The following RAB11FIP2 variants were observed in gnomAD, a reference collection of about 807,000 sequenced individuals.
RAB11FIP2 encodes RAB11 family interacting protein 2, also known as rab11 family-interacting protein 2.
RAB11FIP2 carries 16 observed loss-of-function variants against 40.9 expected under a neutral mutation model. The observed-to-expected ratio is 0.39, with a 90% CI of 0.26 to 0.59. RAB11FIP2 has a LOEUF of 0.59. RAB11FIP2 is among the 20% of genes least tolerant of loss of function. The probability of loss-of-function intolerance (pLI) is 0.53; values close to 1 mark genes in which losing one functional copy is unlikely to be tolerated. For missense variants in RAB11FIP2, 532 were observed against 606.2 expected, an observed-to-expected ratio of 0.88 and a Z score of 1.28; for synonymous variants, 228 against 213.7, an observed-to-expected ratio of 1.07 and a Z score of -0.58.
chr10:118,018,362 T>C (rs929175960), intron 3 of RAB11FIP2: 34 of 152,324 alleles, frequency 2.2e-4, no homozygotes, highest in African/African-American at 7.9e-4. Flanking sequence ...TCAGACAAGA[T>C]ATCGAATAAT....
chr10:118,031,978 GC>G (rs1041931029), intron 3 of RAB11FIP2, among the ~76,000 whole-genome samples: 14 of 151,894 alleles, frequency 9.2e-5, no homozygotes, highest in African/African-American at 2.2e-4. Context: ...CAGAACAGCT[GC>G]CCCCCTAACA....
rs1191657304 is a variant in RAB11FIP2, at chr10:118,045,970, G to A, written c.194C>T (p.Ser65Phe). The A allele has an allele frequency of 6.2e-7, 1 of 1,614,230 alleles. No individual in the cohort carries two copies. Among genetic ancestry groups the A allele is most frequent in the South Asian group, 1.1e-5 (1 of 91,086 alleles). The change falls in exon 1 of 5, where the codon TCT becomes TTT. Residue 65 changes from serine to phenylalanine, a missense_variant. Coordinates refer to ENST00000355624, the MANE Select transcript of RAB11FIP2 (RefSeq NM_014904.3). Reference protein sequence around the residue: ...TLEPVWKEEASFELPGLLIQG... With the variant: ...TLEPVWKEEAFFELPGLLIQG... ...AATTAGCAATCCAGGTAGCTCGAAA[G>A]AGGCCTCCTCCTTCCAAACTGGCTC... is the stretch of plus-strand genomic sequence containing the variant.
intron 3 of RAB11FIP2, among the ~76,000 whole-genome samples, chr10:118,036,524 A>G (rs570235539): frequency 1.3e-5 from 2 of 152,270 alleles, no homozygotes; most frequent in South Asian, 4.1e-4. Flanking sequence ...TCCACTCAAG[A>G]TAAAGCTGCT....
intron 3 of RAB11FIP2, among the ~76,000 whole-genome samples, chr10:118,036,245 G>A (rs1846479731): frequency 6.6e-6 from 1 of 152,044 alleles, no homozygotes; most frequent in Non-Finnish European, 1.5e-5. Context: ...CCATGGCTAT[G>A]TATTTTACCC....
intron 1 of RAB11FIP2, 130 bp downstream of exon 1, chr10:118,045,681 T>C (rs954259188): frequency 1.9e-5 from 13 of 682,028 alleles, no homozygotes; most frequent in Non-Finnish European, 2.7e-5. Flanking sequence ...CATGCAAATA[T>C]GGTGCTTAAA....
Position 118,006,764 on chromosome 10 carries a change from T to C in RAB11FIP2, c.*2234A>G, listed in dbSNP as rs1846095514. The C allele has an allele frequency of 6.6e-6, 1 of 152,090 alleles. No homozygotes were observed. Among genetic ancestry groups the C allele is most frequent in the East Asian group, 1.9e-4 (1 of 5,194 alleles). The allele number at this position is 152,090 out of a possible 1,614,324, so 9.4% of individuals were successfully genotyped here. On this transcript the variant is annotated 3_prime_UTR_variant, in exon 5 of 5. Transcript: ENST00000355624. The stretch of plus-strand genomic sequence containing the variant: ...GTATTAATAGATCTAGTTTTAAATA[T>C]AATACTTGTCTCAGATTTAAAGATA...
At chr10:118,016,882 T>G (rs60424173) in intron 3 of RAB11FIP2, among the ~76,000 whole-genome samples, 2,541 of 152,306 alleles carry the variant, frequency 0.017, 73 homozygotes, top group East Asian at 0.13. Flanking sequence ...GAAGATTCAA[T>G]GAGTTAACTA....
rs556228044 is a variant in RAB11FIP2, at chr10:118,039,421, G to A, written c.816C>T (p.His272=). Residue 272 remains histidine, a synonymous_variant, in exon 3 of 5, where the codon CAC becomes CAT. Coordinates refer to ENST00000355624, the MANE Select transcript of RAB11FIP2 (RefSeq NM_014904.3). ...AAGTATCAAAGCTTAATGTTCTTCT[G>A]TGTGGAGATTTGAGACTTCCTACAA... ...VPESGSLKSP[H]RRTLSFDTSK... 7.4e-6 allele frequency: 12 copies of A among 1,611,686 alleles called. No individual in the cohort carries two copies. The South Asian group carries it at 1.3e-4, about 18-fold the overall frequency.
intron 3 of RAB11FIP2, among the ~76,000 whole-genome samples, chr10:118,019,146 A>C (rs1419171483): frequency 6.6e-6 from 1 of 152,204 alleles, no homozygotes; most frequent in Non-Finnish European, 1.5e-5. Flanking sequence ...AAGTCACATA[A>C]CAACAAGCTC....
chr10:118,040,631 A>G, intron 1 of RAB11FIP2, 66 bp from the exon 2 acceptor site: 1 of 1,167,582 alleles, frequency 8.6e-7, no homozygotes, highest in Non-Finnish European at 1.2e-6. Flanking sequence ...GTTCTGTTAC[A>G]TACAAATAGC....
Position 118,040,179 on chromosome 10 carries a change from C to A in RAB11FIP2, c.740G>T (p.Gly247Val). ...SSEKLKAGTI[G>V]QTHLLGHQLD... is the part of the protein sequence containing the mutation. ...CTGGTGTCCGAGAAGATGTGTTTGACCTATGGTGCCAGCCTTCAGTTTCTC... is the reference window on the plus strand; with the variant it reads ...CTGGTGTCCGAGAAGATGTGTTTGAACTATGGTGCCAGCCTTCAGTTTCTC... Residue 247 changes from glycine (G) to valine (V), a missense_variant, in exon 2 of 5, where the codon GGT (glycine) becomes GTT (valine). Coordinates refer to ENST00000355624, the MANE Select transcript of RAB11FIP2 (RefSeq NM_014904.3). The A allele has an allele frequency of 6.2e-7, 1 of 1,613,800 alleles. No homozygotes were observed. Among genetic ancestry groups the A allele is most frequent in the Non-Finnish European group, 8.5e-7 (1 of 1,179,764 alleles).
At position 118,028,598 on chromosome 10, in the gene RAB11FIP2, G is replaced by GAA. The variant is rs559563155; in HGVS notation, c.1265+10372_1265+10373dup. On this transcript the variant is annotated intron_variant, in intron 3 of 4. Transcript: ENST00000355624. Reference sequence around the variant, plus strand: ...AAAAGTTAAAGCATTATTGTCATGGGAAAAAAGTAATCACAGATGAGGTGA... The same window carrying GAA: ...AAAAGTTAAAGCATTATTGTCATGGGAAAAAAAAGTAATCACAGATGAGGTGA... 5.6e-3 allele frequency among the ~76,000 whole-genome samples: 853 copies of GAA among 152,160 alleles called. 4 individuals are homozygous for GAA. Among genetic ancestry groups the GAA allele is most frequent in the African/African-American group, 0.02 (817 of 41,546 alleles).
chr10:118,019,717 T>A (rs1171298784), intron 3 of RAB11FIP2, among the ~76,000 whole-genome samples: 1 of 151,572 alleles, frequency 6.6e-6, no homozygotes, highest in Non-Finnish European at 1.5e-5. Context: ...TCCTAGCTAC[T>A]CGGGAGGCTG....
chr10:118,038,976 A>G lies in RAB11FIP2; in HGVS notation c.1261T>C (p.Ser421Pro). 6.3e-7 allele frequency: 1 copy of G among 1,582,232 alleles called. No homozygotes were observed. Among genetic ancestry groups the G allele is most frequent in the South Asian group, 1.2e-5 (1 of 84,982 alleles). The change falls in exon 3 of 5, where the codon TCA becomes CCA. Residue 421 changes from serine (S) to proline (P), a missense_variant. Physicochemically the swap from Ser to Pro is moderately conservative, Grantham distance 74 (BLOSUM62 -1). Coordinates refer to ENST00000355624, the MANE Select transcript of RAB11FIP2 (RefSeq NM_014904.3). Reference sequence around the variant, plus strand: ...CTTCCCCCATATTAAGCTTACCTTGAAGATGGCATTATATTTGAAGCCCTG... The same window carrying G: ...CTTCCCCCATATTAAGCTTACCTTGGAGATGGCATTATATTTGAAGCCCTG... ...KFRASNIMPS[S>P]SFHMSPTSNE...
At chr10:118,037,286 G>A (rs906329121) in intron 3 of RAB11FIP2, among the ~76,000 whole-genome samples, 1 of 152,000 alleles carries the variant, frequency 6.6e-6, no homozygotes, top group Non-Finnish European at 1.5e-5. Flanking sequence ...CTGGAGTATG[G>A]TTTATAAACA....
chr10:118,040,354 G>A lies in RAB11FIP2; in HGVS notation c.565C>T (p.Pro189Ser). 1 of 1,613,734 alleles carries A rather than the reference G, an allele frequency of 6.2e-7. No individual in the cohort carries two copies. The highest frequency in any genetic ancestry group is 8.5e-7 in the Non-Finnish European group (1 of 1,179,692). ...TTGGCATCGGGCATGTGAGTACTTG[G>A]AATGATTGCAGAAGACGTATCAGAA... The part of the protein sequence containing the change: ...TFSDTSSAII[P>S]STHMPDANSE... The change falls in exon 2 of 5, where the codon CCA becomes TCA. Residue 189 changes from proline (P) to serine (S), a missense_variant. Transcript: ENST00000355624.
intron 3 of RAB11FIP2, among the ~76,000 whole-genome samples, chr10:118,027,193 T>C (rs779118216): frequency 2.6e-4 from 40 of 152,222 alleles, no homozygotes; most frequent in Non-Finnish European, 5.1e-4. Flanking sequence ...CCAAGGTTAT[T>C]ATCTCCATTT....
At chr10:118,024,436 C>T (rs535585372) in intron 3 of RAB11FIP2, among the ~76,000 whole-genome samples, 49 of 150,922 alleles carry the variant, frequency 3.2e-4, no homozygotes, top group Non-Finnish European at 5.6e-4. Flanking sequence ...GACCCTTGCC[C>T]GCCACCTTCT....
intron 3 of RAB11FIP2, among the ~76,000 whole-genome samples, chr10:118,027,413 TATTAA>T (rs1394562314): frequency 2.6e-5 from 4 of 152,234 alleles, no homozygotes; most frequent in Admixed American, 6.5e-5. Flanking sequence ...CTGAATCAAA[TATTAA>T]ATTATGTTCA....
Sources: allele counts gnomAD v4.1 joint callset (sites outside exome capture counted in the v4.1 genomes callset), GRCh38; gene constraint gnomAD v4.1.1; transcripts MANE v1.5; gene names NCBI Gene and HGNC (gene_info 2026-07-23, HGNC 2026-07-21).